Variants in MTOR observed in about 807,000 individuals in gnomAD.
The protein encoded by MTOR is mechanistic target of rapamycin kinase, also known as serine/threonine-protein kinase mTOR.
Under a neutral mutation model 319.8 loss-of-function variants are expected in MTOR, and 70 were observed. The observed-to-expected ratio is 0.22, with a 90% CI of 0.18 to 0.27. MTOR has a LOEUF of 0.27. Ranked by LOEUF, MTOR falls within the 10% of genes least tolerant of loss-of-function variation. MTOR has a pLI of 1.00. For missense variants in MTOR, 1,890 were observed against 3,274.4 expected (o/e 0.58, Z 10.32); for synonymous variants, 1,183 against 1,211.4 (o/e 0.98, Z 0.49).
chr1:11,109,935 C>T lies in MTOR; in HGVS notation c.7367-206G>A, dbSNP rs1044699958. 6.7e-6 allele frequency among the ~76,000 whole-genome samples: 1 copy of T among 149,810 alleles called. No homozygotes were observed. Among genetic ancestry groups the T allele is most frequent in the Admixed American group, 6.7e-5 (1 of 14,830 alleles). ...GCTGTAATCTCAGCTACTCAAGAGG[C>T]TGAGGTGGAAGGATCACTTGAGTAG... On this transcript the variant is annotated intron_variant, in intron 54 of 57. Transcript: ENST00000361445. This position sits in a 1 kb window ranked among gnomAD's most constrained non-coding sequence, Gnocchi z 4.0.
At chr1:11,200,541 A>C (rs1027271716) in intron 26 of MTOR, among the ~76,000 whole-genome samples, 1 of 152,172 alleles carries the variant, frequency 6.6e-6, no homozygotes, top group South Asian at 2.1e-4. Flanking sequence ...CGGGGAAGGA[A>C]ATGGGAAAAA....
chr1:11,110,010 A>AT (rs397781498), intron 54 of MTOR, among the ~76,000 whole-genome samples: 181 of 151,632 alleles, frequency 1.2e-3, no homozygotes, highest in Non-Finnish European at 1.8e-3. Context: ...AAAAAAAAAA[A>AT]TTTTTAAATC....
chr1:11,110,992 A>G (rs970505989), intron 54 of MTOR: 4 of 391,326 alleles, frequency 1.0e-5, no homozygotes, highest in African/African-American at 8.5e-5. Flanking sequence ...AGTAAGTCTC[A>G]GCACACTTCG....
At chr1:11,237,814 C>G (rs775070675) in intron 13 of MTOR, 29 bp downstream of exon 13, 1 of 1,612,214 alleles carries the variant, frequency 6.2e-7, no homozygotes, top group South Asian at 1.1e-5. Context: ...GTCTTCCCTG[C>G]CTGTGGGTCT....
At chr1:11,234,299 G>A (rs371406516) in intron 13 of MTOR, 34 bp from the exon 14 acceptor site, 31 of 1,575,540 alleles carry the variant, frequency 2.0e-5, no homozygotes, top group Middle Eastern at 1.7e-4. Flanking sequence ...GTTCTCTATG[G>A]CAGAAGACAT....
chr1:11,234,301 A>T (rs760180622), intron 13 of MTOR, 36 bp from the exon 14 acceptor site: 7 of 1,574,334 alleles, frequency 4.4e-6, no homozygotes, highest in Non-Finnish European at 3.4e-6. Context: ...TCTCTATGGC[A>T]GAAGACATTC....
chr1:11,217,848 T>TA lies in MTOR; in HGVS notation c.3031-1615dup, dbSNP rs199531031. On this transcript the variant is annotated intron_variant, in intron 19 of 57. Coordinates refer to ENST00000361445, the MANE Select transcript of MTOR (RefSeq NM_004958.4). ...GTTGGAATAAATAAAAAGCATTACT[T>TA]AAAAAAAAAAGTGCTATCTCAAACA... Among the ~76,000 whole-genome samples the TA allele has an allele frequency of 4.1e-5, 6 of 148,116 alleles. No individual in the cohort carries two copies. In the East Asian group the frequency reaches 7.8e-4, roughly 19 times the overall value.
chr1:11,211,148 T>A (rs925768266), intron 23 of MTOR, among the ~76,000 whole-genome samples: 2 of 152,228 alleles, frequency 1.3e-5, no homozygotes, highest in Non-Finnish European at 2.9e-5. Context: ...CCGCAGCCTA[T>A]TTTCCCACAT....
In MTOR at chr1:11,115,311, G is replaced by C. The variant is rs1010930075; in HGVS notation, c.7089+85C>G. 16 of 1,329,514 alleles carry C rather than the reference G, an allele frequency of 1.2e-5. No homozygotes were observed. The highest frequency in any genetic ancestry group is 1.7e-5 in the Non-Finnish European group (16 of 922,782). The allele number at this position is 1,329,514 out of a possible 1,614,324, so 82.4% of individuals were successfully genotyped here. A position where few individuals can be genotyped will look rare whatever the true frequency, so the allele number is the denominator to read the frequency against. ...CAGGGGTTAAGAGTAAGGCAGTTTG[G>C]GCTTAAGTCTGCCTACAGTGTCAGA... is the stretch of plus-strand genomic sequence containing the variant. On this transcript the variant is annotated intron_variant, in intron 51 of 57. Coordinates refer to ENST00000361445, the MANE Select transcript of MTOR (RefSeq NM_004958.4). This position sits in a 1 kb window ranked among gnomAD's most constrained non-coding sequence, Gnocchi z 4.5.
At chr1:11,139,189 T>C (rs1055827614) in intron 36 of MTOR, 115 bp downstream of exon 36, 3 of 1,376,962 alleles carry the variant, frequency 2.2e-6, no homozygotes, top group Admixed American at 4.7e-5. Context: ...TCCCTGACAT[T>C]GTGAGTAGGT....
intron 29 of MTOR, among the ~76,000 whole-genome samples, chr1:11,164,070 C>T (rs1050003206): frequency 1.2e-4 from 18 of 151,974 alleles, no homozygotes; most frequent in African/African-American, 3.6e-4. Context: ...AGAGGCTAGG[C>T]GCGGTGGCTC....
chr1:11,260,603 G>A (rs1274847556), intron 1 of MTOR, among the ~76,000 whole-genome samples: 1 of 151,470 alleles, frequency 6.6e-6, no homozygotes, highest in East Asian at 1.9e-4. Context: ...AAGGCTGCTT[G>A]TAGCCATATT....
At chr1:11,238,089 C>T in intron 12 of MTOR, 41 bp from the exon 13 acceptor site, 1 of 1,593,536 alleles carries the variant, frequency 6.3e-7, no homozygotes, top group Non-Finnish European at 8.6e-7. Flanking sequence ...CCTCATGATC[C>T]CATCACTCCA....
intron 54 of MTOR, among the ~76,000 whole-genome samples, chr1:11,112,166 T>C (rs1204692894): frequency 6.6e-6 from 1 of 152,182 alleles, no homozygotes; most frequent in African/African-American, 2.4e-5. Context: ...CTAGAAACAC[T>C]GTTCCATGTG....
chr1:11,130,415 T>C, intron 39 of MTOR, 114 bp downstream of exon 39: 1 of 1,489,170 alleles, frequency 6.7e-7, no homozygotes, highest in Non-Finnish European at 9.0e-7. Context: ...ATTTTCCAGC[T>C]CCATCTGGCA....
intron 28 of MTOR, among the ~76,000 whole-genome samples, chr1:11,170,127 G>A (rs762950152): frequency 5.3e-5 from 8 of 152,182 alleles, no homozygotes; most frequent in Admixed American, 2.0e-4. Flanking sequence ...TACAAAATTC[G>A]GAGATGTTTT....
chr1:11,167,272 C>T (rs913769220), intron 29 of MTOR, among the ~76,000 whole-genome samples, 170 bp downstream of exon 29: 2 of 151,838 alleles, frequency 1.3e-5, no homozygotes, highest in African/African-American at 4.8e-5. Flanking sequence ...GAAATAGAGT[C>T]CCTACAGACA....
intron 29 of MTOR, among the ~76,000 whole-genome samples, chr1:11,163,007 A>G (rs1296399287): frequency 6.6e-6 from 1 of 152,232 alleles, no homozygotes; most frequent in Non-Finnish European, 1.5e-5. Context: ...ATAAAGAGTC[A>G]AGACCCATCA....
Position 11,256,491 on chromosome 1 carries a change from T to A in MTOR, c.505-299A>T, listed in dbSNP as rs571174630. On this transcript the variant is annotated intron_variant, in intron 4 of 57. Transcript: ENST00000361445. ...TATACTAACAGCCTAGAACTCTACC[T>A]GGAATACAGTAGGTATGTAGTAAAT... Among the ~76,000 whole-genome samples, 9 of 152,334 alleles carry A rather than the reference T, an allele frequency of 5.9e-5. No homozygotes were observed. In the South Asian group the frequency reaches 1.9e-3, roughly 32 times the overall value.
Sources: allele counts gnomAD v4.1 joint callset (sites outside exome capture counted in the v4.1 genomes callset), GRCh38; gene constraint gnomAD v4.1.1; non-coding constraint Gnocchi (gnomAD v3.1); transcripts MANE v1.5; gene names NCBI Gene and HGNC (gene_info 2026-07-23, HGNC 2026-07-21).